AIRE: variants seen among roughly 807,000 people sequenced by gnomAD.
AIRE encodes the protein autoimmune regulator.
AIRE carries 52 observed loss-of-function variants against 62.1 expected under a neutral mutation model. The ratio of observed to expected loss-of-function variants is 0.84; its 90% CI spans 0.67 to 1.06. The LOEUF (loss-of-function observed/expected upper bound fraction) is 1.06, where lower values mean the gene tolerates loss of function less well. Among genes scored for constraint, AIRE ranks in the 50% least tolerant of loss-of-function variants. The pLI, the probability that AIRE is intolerant of heterozygous loss-of-function variation, is 0.00. For missense variants in AIRE, 774 were observed against 755.8 expected (o/e 1.02, Z -0.28); for synonymous variants, 342 against 321.6 (o/e 1.06, Z -0.68).
chr21:44,293,265 G>A, intron 10 of AIRE, 90 bp downstream of exon 10: 2 of 1,378,782 alleles, frequency 1.5e-6, no homozygotes, highest in Non-Finnish European at 1.9e-6. Flanking sequence ...AGGAGAGGGA[G>A]GCCAGGCGAG....
chr21:44,293,738 G>C (rs2040570178), intron 10 of AIRE, 51 bp from the exon 11 acceptor site: 1 of 1,594,282 alleles, frequency 6.3e-7, no homozygotes, highest in Non-Finnish European at 8.5e-7. Context: ...TTCGGGTTCA[G>C]CTACATTTCC....
Position 44,287,353 on chromosome 21 carries a change from G to A in AIRE, c.464-164G>A, listed in dbSNP as rs916642248. The A allele has an allele frequency of 1.8e-5, 13 of 717,200 alleles. No homozygotes were observed. The highest frequency in any genetic ancestry group is 5.4e-5 in the African/African-American group (3 of 55,920). 44.4% of individuals were successfully genotyped at this position (717,200 alleles called of 1,614,324 possible). On this transcript the variant is annotated intron_variant, in intron 3 of 13. Coordinates refer to ENST00000291582, the MANE Select transcript of AIRE (RefSeq NM_000383.4). This position sits in a 1 kb window ranked among gnomAD's most constrained non-coding sequence, Gnocchi z 4.3. ...GCTCCCCGGAGCTGGTGAAGTAGGC[G>A]GGCGGGTCTCATTTCCCTTTTACTG... is the stretch of plus-strand genomic sequence containing the variant.
rs146792143 is a variant in AIRE at position 44,287,849 on chromosome 21, G to A, written c.538+258G>A. On this transcript the variant is annotated intron_variant, in intron 4 of 13. Coordinates refer to ENST00000291582, the MANE Select transcript of AIRE (RefSeq NM_000383.4). The surrounding 1 kb of genome is among the most constrained non-coding windows in gnomAD (Gnocchi z 4.3). ...CCCTTCTCAGGCACCTTCTCTGCCCGTCCACTCCCTATCCTTCAGGACCAG... is the reference window on the plus strand; with the variant it reads ...CCCTTCTCAGGCACCTTCTCTGCCCATCCACTCCCTATCCTTCAGGACCAG... Among the ~76,000 whole-genome samples, 78 of 152,120 alleles carry A rather than the reference G, an allele frequency of 5.1e-4. No individual in the cohort carries two copies. The highest frequency in any genetic ancestry group is 6.8e-3 in the Middle Eastern group (2 of 294).
intron 10 of AIRE, among the ~76,000 whole-genome samples, chr21:44,293,388 T>TC (rs2040565115): frequency 6.6e-6 from 1 of 151,224 alleles, no homozygotes; most frequent in Non-Finnish European, 1.5e-5. Flanking sequence ...GCATTACTGC[T>TC]CCCCCCACAA....
In AIRE at chr21:44,293,831, A is replaced by C. The variant is rs768250058; in HGVS notation, c.1321A>C (p.Thr441Pro). ...GARCGVCGDGTDVLRCTHCAA... is the reference protein window; with the variant it reads ...GARCGVCGDGPDVLRCTHCAA... ...GCGTTGCGGGGTGTGCGGAGATGGT[A>C]CGGACGTGCTGCGGTGTACTCACTG... The change falls in exon 11 of 14, where the codon ACG becomes CCG. Residue 441 changes from threonine (T) to proline (P), a missense_variant. This residue lies in a region of AIRE where 354 missense variants were observed against 296.1 expected (regional missense o/e 1.20). Coordinates refer to ENST00000291582, the MANE Select transcript of AIRE (RefSeq NM_000383.4). The C allele has an allele frequency of 1.3e-6, 2 of 1,596,916 alleles. No individual in the cohort carries two copies. Among genetic ancestry groups the C allele is most frequent in the Non-Finnish European group, 1.7e-6 (2 of 1,179,570 alleles).
At position 44,286,076 on chromosome 21, in the gene AIRE, A is replaced by G; in HGVS notation, c.70A>G (p.Ser24Gly). The change falls in exon 1 of 14, where the codon AGC (serine) becomes GGC (glycine). Residue 24 changes from serine to glycine, a missense_variant. Physicochemically the swap from Ser to Gly is moderately conservative, Grantham distance 56. Coordinates refer to ENST00000291582, the MANE Select transcript of AIRE (RefSeq NM_000383.4). The surrounding 1 kb of genome is among the most constrained non-coding windows in gnomAD (Gnocchi z 6.0). ...CACGGAGATCGCGGTGGCCGTGGAC[A>G]GCGCCTTCCCACTGCTGCACGCGCT... ...HRTEIAVAVD[S>G]AFPLLHALAD... is the part of the protein sequence containing the mutation. The G allele has an allele frequency of 6.5e-7, 1 of 1,544,378 alleles. No individual in the cohort carries two copies. The highest frequency in any genetic ancestry group is 8.7e-7 in the Non-Finnish European group (1 of 1,146,284).
Position 44,297,533 on chromosome 21 carries a change from C to G in AIRE, c.1567-123C>G. 1 of 921,470 alleles carries G rather than the reference C, an allele frequency of 1.1e-6. No homozygotes were observed. The highest frequency in any genetic ancestry group is 1.7e-6 in the Non-Finnish European group (1 of 579,964). 57.1% of individuals were successfully genotyped at this position (921,470 alleles called of 1,614,324 possible). Reference sequence around the variant, plus strand: ...TGGCCTGTGCCATGGGGCCTCGGGCCTCAGTTTCCCCACCTTTGACTTAGA... The same window carrying G: ...TGGCCTGTGCCATGGGGCCTCGGGCGTCAGTTTCCCCACCTTTGACTTAGA... On this transcript the variant is annotated intron_variant, in intron 13 of 13. Transcript: ENST00000291582. This position sits in a 1 kb window ranked among gnomAD's most constrained non-coding sequence, Gnocchi z 4.8.
In AIRE at chr21:44,286,159, C is replaced by G. The variant is rs977734354; in HGVS notation, c.132+21C>G. On this transcript the variant is annotated intron_variant, in intron 1 of 13. Coordinates refer to ENST00000291582, the MANE Select transcript of AIRE (RefSeq NM_000383.4). The surrounding 1 kb of genome is among the most constrained non-coding windows in gnomAD (Gnocchi z 6.0). ...TTCAGGTGGGCTCCCCGCCCGCCCCCCGCTGCCCCCAGGCCCTGTGAGCCA... is the reference window on the plus strand; with the variant it reads ...TTCAGGTGGGCTCCCCGCCCGCCCCGCGCTGCCCCCAGGCCCTGTGAGCCA... 1 of 1,539,070 alleles carries G rather than the reference C, an allele frequency of 6.5e-7. No homozygotes were observed. Among genetic ancestry groups the G allele is most frequent in the Non-Finnish European group, 8.8e-7 (1 of 1,141,694 alleles).
Position 44,287,240 on chromosome 21 carries a change from C to T in AIRE, c.463+107C>T, listed in dbSNP as rs1161132906. The T allele has an allele frequency of 3.6e-6, 5 of 1,398,428 alleles. No individual in the cohort carries two copies. The highest frequency in any genetic ancestry group is 3.9e-6 in the Non-Finnish European group (4 of 1,015,784). The allele number at this position is 1,398,428 out of a possible 1,614,324, so 86.6% of individuals were successfully genotyped here. A position where few individuals can be genotyped will look rare whatever the true frequency, so the allele number is the denominator to read the frequency against. ...GGCTCCCACCCACTGGGTGTGGGGC[C>T]AGCCTGCCTGGGGCTGTGGGGGTCT... is the stretch of plus-strand genomic sequence containing the variant. On this transcript the variant is annotated intron_variant, in intron 3 of 13. Transcript: ENST00000291582. This position sits in a 1 kb window ranked among gnomAD's most constrained non-coding sequence, Gnocchi z 4.3.
intron 10 of AIRE, among the ~76,000 whole-genome samples, chr21:44,293,557 G>A (rs2040567297): frequency 6.6e-6 from 1 of 152,102 alleles, no homozygotes; most frequent in Non-Finnish European, 1.5e-5. Context: ...AGAGGTGCGG[G>A]CGCCAGGCTT....
chr21:44,285,971 G>A lies in AIRE; in HGVS notation c.-36G>A, dbSNP rs1351720400. Reference sequence around the variant, plus strand: ...GGCTGCCAGTGTCCCGGGACCCACCGCGTCCGCCCCAGCCCCGGGTCCCCG... The same window carrying A: ...GGCTGCCAGTGTCCCGGGACCCACCACGTCCGCCCCAGCCCCGGGTCCCCG... On this transcript the variant is annotated 5_prime_UTR_variant, in exon 1 of 14. Transcript: ENST00000291582. 3 of 1,518,336 alleles carry A rather than the reference G, an allele frequency of 2.0e-6. No individual in the cohort carries two copies. In the Admixed American group the frequency reaches 6.0e-5, roughly 30 times the overall value. The allele number at this position is 1,518,336 out of a possible 1,614,324, so 94.1% of individuals were successfully genotyped here. A position where few individuals can be genotyped will look rare whatever the true frequency, so the allele number is the denominator to read the frequency against.
intron 4 of AIRE, 35 bp from the exon 5 acceptor site, chr21:44,288,310 C>T (rs765159981): frequency 2.7e-6 from 4 of 1,490,112 alleles, no homozygotes; most frequent in South Asian, 1.1e-5. Flanking sequence ...ACAGTCTTCC[C>T]CACGGGTGAC....
At chr21:44,296,664 C>T (rs1279943731) in intron 13 of AIRE, among the ~76,000 whole-genome samples, 1 of 150,904 alleles carries the variant, frequency 6.6e-6, no homozygotes, top group Non-Finnish European at 1.5e-5. Flanking sequence ...GAGCCCCCCC[C>T]GGCCCCTCCC....
At position 44,285,945 on chromosome 21, in the gene AIRE, G is replaced by A. The variant is rs1044591067; in HGVS notation, c.-62G>A. 5.4e-6 allele frequency: 8 copies of A among 1,480,342 alleles called. No homozygotes were observed. The highest frequency in any genetic ancestry group is 7.2e-6 in the Non-Finnish European group (8 of 1,115,690). The allele number at this position is 1,480,342 out of a possible 1,614,324, so 91.7% of individuals were successfully genotyped here. A position where few individuals can be genotyped will look rare whatever the true frequency, so the allele number is the denominator to read the frequency against. ...CCGCCGGGACCCGAGGCCAAGCGAGGGGCTGCCAGTGTCCCGGGACCCACC... is the reference window on the plus strand; with the variant it reads ...CCGCCGGGACCCGAGGCCAAGCGAGAGGCTGCCAGTGTCCCGGGACCCACC... On this transcript the variant is annotated 5_prime_UTR_variant, in exon 1 of 14. Coordinates refer to ENST00000291582, the MANE Select transcript of AIRE (RefSeq NM_000383.4).
intron 5 of AIRE, chr21:44,289,243 G>C (rs2040511127): frequency 4.8e-6 from 1 of 209,434 alleles, no homozygotes; most frequent in East Asian, 1.1e-4. Flanking sequence ...GGTCATTATG[G>C]GGGTACCCCT....
intron 10 of AIRE, 21 bp from the exon 11 acceptor site, chr21:44,293,768 C>T (rs1358307116): frequency 1.3e-6 from 2 of 1,595,768 alleles, no homozygotes; most frequent in Admixed American, 3.3e-5. Flanking sequence ...CCGCGTCACC[C>T]CGCGCTGTTG....
At chr21:44,294,844 A>C (rs2040589162) in intron 12 of AIRE, among the ~76,000 whole-genome samples, 1 of 150,886 alleles carries the variant, frequency 6.6e-6, no homozygotes, top group Non-Finnish European at 1.5e-5. Context: ...GCAGGAGCAA[A>C]CCCCCACCCT....
chr21:44,289,739 G>C lies in AIRE; in HGVS notation c.735G>C (p.Lys245Asn). Residue 245 changes from lysine to asparagine, a missense_variant, in exon 6 of 14, where the codon AAG becomes AAC. Physicochemically the swap from Lys to Asn is moderately conservative, Grantham distance 94 (BLOSUM62 0). Around this residue, in one of 3 missense-constraint regions of AIRE, gnomAD observed 385 missense variants for 396.0 expected, o/e 0.97. Coordinates refer to ENST00000291582, the MANE Select transcript of AIRE (RefSeq NM_000383.4). ...AAGACTCCGGCAGTGGGAAGAACAA[G>C]GCCCGCAGCAGCAGTGGCCCGAAGC... ...KFEDSGSGKNKARSSSGPKPL... is the reference protein window; with the variant it reads ...KFEDSGSGKNNARSSSGPKPL... 1 of 1,612,828 alleles carries C rather than the reference G, an allele frequency of 6.2e-7. No homozygotes were observed. The highest frequency in any genetic ancestry group is 8.5e-7 in the Non-Finnish European group (1 of 1,179,978).
Position 44,286,069 on chromosome 21 carries a change from C to T in AIRE, c.63C>T (p.Ala21=), listed in dbSNP as rs371796437. 2,955 of 1,543,302 alleles carry T rather than the reference C, an allele frequency of 1.9e-3. 6 individuals carry two copies. Among genetic ancestry groups the T allele is most frequent in the Middle Eastern group, 9.0e-3 (52 of 5,798 alleles). ...TGCACCGCACGGAGATCGCGGTGGC[C>T]GTGGACAGCGCCTTCCCACTGCTGC... ...LRLHRTEIAV[A]VDSAFPLLHA... Residue 21 remains alanine, a synonymous_variant, in exon 1 of 14, where the codon GCC becomes GCT. Coordinates refer to ENST00000291582, the MANE Select transcript of AIRE (RefSeq NM_000383.4). This position sits in a 1 kb window ranked among gnomAD's most constrained non-coding sequence, Gnocchi z 6.0.
Sources: allele counts gnomAD v4.1 joint callset (sites outside exome capture counted in the v4.1 genomes callset), GRCh38; gene constraint gnomAD v4.1.1; regional missense constraint gnomAD v4.1.1; non-coding constraint Gnocchi (gnomAD v3.1); transcripts MANE v1.5; gene names NCBI Gene and HGNC (gene_info 2026-07-23, HGNC 2026-07-21).